Variants in COL8A1 observed in about 807,000 individuals in gnomAD.
COL8A1 encodes the protein collagen type VIII alpha 1 chain.
COL8A1 carries 21 observed loss-of-function variants against 42.7 expected under a neutral mutation model. The observed-to-expected ratio is 0.49, with a 90% CI of 0.35 to 0.71. The LOEUF is 0.71. COL8A1 is among the 30% of genes least tolerant of loss of function. COL8A1 has a pLI of 0.01. For synonymous variants in COL8A1, 367 were observed against 369.1 expected, an observed-to-expected ratio of 0.99 and a Z score of 0.06; for missense variants, 788 against 962.4, an observed-to-expected ratio of 0.82 and a Z score of 2.40.
chr3:99,674,587 C>T (rs1409727302), intron 1 of COL8A1, among the ~76,000 whole-genome samples: 4 of 151,920 alleles, frequency 2.6e-5, no homozygotes, highest in Admixed American at 2.0e-4. Flanking sequence ...ACATTTTGTT[C>T]GGTAAAAGCA....
chr3:99,777,471 C>G (rs1479123202), intron 2 of COL8A1, among the ~76,000 whole-genome samples: 1 of 152,122 alleles, frequency 6.6e-6, no homozygotes, highest in African/African-American at 2.4e-5. Context: ...GACAACCAAT[C>G]CTTAATCTGT....
At chr3:99,774,913 A>G (rs1941663087) in intron 2 of COL8A1, among the ~76,000 whole-genome samples, 1 of 152,226 alleles carries the variant, frequency 6.6e-6, no homozygotes, top group Admixed American at 6.5e-5. Context: ...CTTCAAGTTG[A>G]ACACTAGAAT....
At chr3:99,784,013 C>T (rs1941845322) in intron 2 of COL8A1, among the ~76,000 whole-genome samples, 2 of 151,988 alleles carry the variant, frequency 1.3e-5, no homozygotes. Context: ...AGTCAGAAAA[C>T]CAAAGAGTAA....
intron 1 of COL8A1, among the ~76,000 whole-genome samples, chr3:99,696,482 G>A (rs981477705): frequency 2.0e-5 from 3 of 152,148 alleles, no homozygotes; most frequent in Non-Finnish European, 4.4e-5. Context: ...AACCAACAGC[G>A]GCTAAGGCAG....
In COL8A1 at chr3:99,798,112, T is replaced by C. The variant is rs1410687628; in HGVS notation, c.*1976T>C. The C allele has an allele frequency of 6.6e-6, 1 of 152,208 alleles. No homozygotes were observed. The highest frequency in any genetic ancestry group is 1.5e-5 in the Non-Finnish European group (1 of 68,032). 9.4% of individuals were successfully genotyped at this position (152,208 alleles called of 1,614,324 possible). Reference sequence around the variant, plus strand: ...GAAAACACATGGAAATGTGTCTTTGTCAAATCTGAATCATTATTACCATCA... The same window carrying C: ...GAAAACACATGGAAATGTGTCTTTGCCAAATCTGAATCATTATTACCATCA... On this transcript the variant is annotated 3_prime_UTR_variant, in exon 4 of 4. Transcript: ENST00000652472.
At chr3:99,728,164 T>A (rs1221281975) in intron 1 of COL8A1, among the ~76,000 whole-genome samples, 2 of 151,992 alleles carry the variant, frequency 1.3e-5, no homozygotes, top group Non-Finnish European at 2.9e-5. Flanking sequence ...GGAGAAGGAA[T>A]TAAAGGGTAT....
chr3:99,772,420 A>C (rs1272535497), intron 2 of COL8A1, among the ~76,000 whole-genome samples: 1 of 152,170 alleles, frequency 6.6e-6, no homozygotes, highest in Non-Finnish European at 1.5e-5. Context: ...AGAATGTACA[A>C]CACCAAGAGT....
intron 1 of COL8A1, chr3:99,703,638 T>C (rs942152256): frequency 1.3e-5 from 2 of 152,244 alleles, no homozygotes; most frequent in Admixed American, 1.3e-4. Flanking sequence ...GGCAGCAATA[T>C]CGGAGTTATT....
chr3:99,671,918 T>G (rs1463033194), intron 1 of COL8A1, among the ~76,000 whole-genome samples: 3 of 152,026 alleles, frequency 2.0e-5, no homozygotes, highest in Admixed American at 6.6e-5. Flanking sequence ...ACATCAAATT[T>G]TGAGAAAAGC....
At chr3:99,762,067 T>C (rs964929923) in intron 2 of COL8A1, among the ~76,000 whole-genome samples, 5 of 152,224 alleles carry the variant, frequency 3.3e-5, no homozygotes, top group Admixed American at 1.3e-4. Flanking sequence ...AGTGAAACTG[T>C]CCTGTTATTG....
At chr3:99,744,104 AT>A (rs35463348) in intron 1 of COL8A1, among the ~76,000 whole-genome samples, 5 of 151,636 alleles carry the variant, frequency 3.3e-5, no homozygotes, top group African/African-American at 4.8e-5. Flanking sequence ...AATTTTTTGT[AT>A]TTTTTTAGTA....
At chr3:99,759,440 C>A (rs1344885227) in intron 2 of COL8A1, among the ~76,000 whole-genome samples, 1 of 152,144 alleles carries the variant, frequency 6.6e-6, no homozygotes, top group African/African-American at 2.4e-5. Flanking sequence ...TCCTAAACTA[C>A]CCTGTCCCAA....
intron 2 of COL8A1, among the ~76,000 whole-genome samples, chr3:99,781,797 C>T (rs545256811): frequency 2.0e-5 from 3 of 152,284 alleles, no homozygotes; most frequent in South Asian, 2.1e-4. Context: ...GCCAGGTCCA[C>T]GGAATGGCAA....
intron 1 of COL8A1, among the ~76,000 whole-genome samples, chr3:99,656,675 C>A (rs1355821201): frequency 1.3e-5 from 2 of 152,206 alleles, no homozygotes; most frequent in African/African-American, 4.8e-5. Flanking sequence ...TCTTTCCTTA[C>A]AATCTTTCTT....
intron 1 of COL8A1, among the ~76,000 whole-genome samples, chr3:99,720,242 AG>A (rs1366744115): frequency 6.6e-6 from 1 of 152,112 alleles, no homozygotes; most frequent in Non-Finnish European, 1.5e-5. Context: ...CTCTCTGCTA[AG>A]GTTAGAGCAA....
chr3:99,693,246 T>C (rs996160392), intron 1 of COL8A1, among the ~76,000 whole-genome samples: 1 of 152,216 alleles, frequency 6.6e-6, no homozygotes, highest in Non-Finnish European at 1.5e-5. Context: ...GTTCATAAAA[T>C]TTGATGATGG....
chr3:99,667,442 G>T (rs1306371462), intron 1 of COL8A1, among the ~76,000 whole-genome samples: 1 of 152,140 alleles, frequency 6.6e-6, no homozygotes, highest in Non-Finnish European at 1.5e-5. Flanking sequence ...TTTTGTTGTT[G>T]TTGTGTATGT....
intron 2 of COL8A1, among the ~76,000 whole-genome samples, chr3:99,770,760 T>C (rs1033715325): frequency 6.6e-6 from 1 of 152,206 alleles, no homozygotes; most frequent in Admixed American, 6.5e-5. Flanking sequence ...TGCCAGCCAC[T>C]GGGGAAACAG....
intron 1 of COL8A1, among the ~76,000 whole-genome samples, chr3:99,669,198 T>TG (rs1369606914): frequency 7.4e-6 from 1 of 134,902 alleles, no homozygotes; most frequent in Non-Finnish European, 1.6e-5. Context: ...AAGGGATAAT[T>TG]GGGGGATATG....
Sources: gnomAD v4.1 joint callset for allele counts (sites outside exome capture counted in the v4.1 genomes callset) on GRCh38, gnomAD v4.1.1 for gene constraint, MANE v1.5 for transcripts, NCBI Gene and HGNC (gene_info 2026-07-23, HGNC 2026-07-21) for gene names.